The following DNAJB11 variants were observed in gnomAD, a reference collection of about 807,000 sequenced individuals.
The protein encoded by DNAJB11 is DnaJ heat shock protein family (Hsp40) member B11.
DNAJB11 carries 30 observed loss-of-function variants against 47.2 expected under a neutral mutation model. The observed-to-expected ratio is 0.64, with a 90% CI of 0.48 to 0.86. The LOEUF is 0.86. DNAJB11 is among the 40% of genes least tolerant of loss of function. The probability of loss-of-function intolerance (pLI) is 0.00; values close to 1 mark genes in which losing one functional copy is unlikely to be tolerated. For synonymous variants in DNAJB11, 151 were observed against 159.9 expected (o/e 0.94, Z 0.42); for missense variants, 357 against 440.2 (o/e 0.81, Z 1.69).
chr3:186,575,811 T>C (rs1469847280), intron 2 of DNAJB11, 29 bp from the exon 3 acceptor site: 2 of 1,563,504 alleles, frequency 1.3e-6, no homozygotes, highest in South Asian at 2.2e-5. Context: ...CAACTCATGA[T>C]CTTTTCCTCC....
chr3:186,582,817 A>C (rs551114910), intron 7 of DNAJB11, 44 bp downstream of exon 7: 2 of 1,409,832 alleles, frequency 1.4e-6, no homozygotes. Flanking sequence ...GAGTCAAATT[A>C]TAGAGACGTA....
chr3:186,584,173 C>T (rs1454238526), intron 8 of DNAJB11, among the ~76,000 whole-genome samples, 197 bp downstream of exon 8: 1 of 152,230 alleles, frequency 6.6e-6, no homozygotes, highest in Admixed American at 6.5e-5. Flanking sequence ...ATGGATTGCA[C>T]GGCCTTTGAC....
chr3:186,585,532 T>C lies in DNAJB11; in HGVS notation c.*124T>C. On this transcript the variant is annotated 3_prime_UTR_variant, in exon 10 of 10. Coordinates refer to ENST00000265028, the MANE Select transcript of DNAJB11 (RefSeq NM_016306.6). ...GCAAGTTAGGCTTAATTTTTTTATC[T>C]AATGATCATCATGAAATGAATAAGA... 1 of 583,582 alleles carries C rather than the reference T, an allele frequency of 1.7e-6. No homozygotes were observed. The highest frequency in any genetic ancestry group is 3.3e-5 in the East Asian group (1 of 30,592). 36.2% of individuals were successfully genotyped at this position (583,582 alleles called of 1,614,324 possible). A position where few individuals can be genotyped will look rare whatever the true frequency, so the allele number is the denominator to read the frequency against.
chr3:186,572,849 T>G (rs1302820176), intron 2 of DNAJB11, among the ~76,000 whole-genome samples: 2 of 152,236 alleles, frequency 1.3e-5, no homozygotes, highest in Non-Finnish European at 2.9e-5. Context: ...GTTTTTGTCA[T>G]ACAAATGCAA....
chr3:186,572,067 T>C (rs1401463030), intron 1 of DNAJB11, 28 bp from the exon 2 acceptor site: 13 of 1,525,464 alleles, frequency 8.5e-6, no homozygotes, highest in African/African-American at 4.2e-5. Context: ...AACTCTTTAA[T>C]GAAGTATTCT....
intron 1 of DNAJB11, 60 bp from the exon 2 acceptor site, chr3:186,572,035 T>G (rs768512470): frequency 1.8e-5 from 26 of 1,420,682 alleles, no homozygotes; most frequent in Middle Eastern, 3.8e-4. Flanking sequence ...ATAAATCTTT[T>G]ACTTTGAAAA....
In DNAJB11 at chr3:186,585,396, G is replaced by A. The variant is rs1370895877; in HGVS notation, c.1065G>A (p.Leu355=). 1.2e-6 allele frequency: 2 copies of A among 1,608,870 alleles called. No individual in the cohort carries two copies. Among genetic ancestry groups the A allele is most frequent in the Non-Finnish European group, 1.7e-6 (2 of 1,177,514 alleles). ...QGSVQKVYNG[L]QGY ...CAGTGCAGAAGGTATACAATGGACT[G>A]CAAGGATATTGAGAGTGAATAAAAT... The change falls in exon 10 of 10, where the codon CTG becomes CTA. Residue 355 remains leucine (L), a synonymous_variant. Transcript: ENST00000265028.
chr3:186,584,932 C>T (rs763628694), intron 9 of DNAJB11, among the ~76,000 whole-genome samples: 5 of 152,092 alleles, frequency 3.3e-5, no homozygotes, highest in Non-Finnish European at 5.9e-5. Context: ...CTTATGGGTG[C>T]ATGTCTAGGA....
At chr3:186,582,470 G>C (rs890257085) in intron 6 of DNAJB11, among the ~76,000 whole-genome samples, 20 of 152,152 alleles carry the variant, frequency 1.3e-4, no homozygotes, top group Admixed American at 1.3e-3. Flanking sequence ...TTAAGACTTA[G>C]GTTCAGGAGA....
chr3:186,573,040 CAT>C (rs1185536591), intron 2 of DNAJB11, among the ~76,000 whole-genome samples: 5 of 152,148 alleles, frequency 3.3e-5, no homozygotes, highest in Admixed American at 1.3e-4. Context: ...AAAACACTCT[CAT>C]GTGTATCATC....
intron 7 of DNAJB11, 56 bp from the exon 8 acceptor site, chr3:186,583,809 C>A (rs980569080): frequency 9.8e-6 from 13 of 1,326,760 alleles, no homozygotes; most frequent in African/African-American, 8.9e-5. Context: ...AATTTTCTAA[C>A]AACTGTTTGA....
In DNAJB11 at chr3:186,574,518, A is replaced by C. The variant is rs112659431; in HGVS notation, c.226-1322A>C. Among the ~76,000 whole-genome samples the C allele has an allele frequency of 2.3e-3, 355 of 151,722 alleles. 3 individuals are homozygous for C. Among genetic ancestry groups the C allele is most frequent in the African/African-American group, 8.0e-3 (332 of 41,304 alleles). On this transcript the variant is annotated intron_variant, in intron 2 of 9. Coordinates refer to ENST00000265028, the MANE Select transcript of DNAJB11 (RefSeq NM_016306.6). ...TAATTGTGCCCATTTCTGCTTCCCC[A>C]AAGTACCTATTTTCTAAAGATACTT... is the stretch of plus-strand genomic sequence containing the variant.
At position 186,581,309 on chromosome 3, in the gene DNAJB11, T is replaced by C. The variant is rs376407508; in HGVS notation, c.457-62T>C. 126 of 1,582,790 alleles carry C rather than the reference T, an allele frequency of 8.0e-5. 5 individuals carry two copies. The South Asian group carries it at 1.2e-3, about 15-fold the overall frequency. ...GGCATATGTGCAGAGCCTTGATCAA[T>C]TGAGGAAAGGAAAGGCTGTTTTACA... is the stretch of plus-strand genomic sequence containing the variant. On this transcript the variant is annotated intron_variant, in intron 4 of 9. Coordinates refer to ENST00000265028, the MANE Select transcript of DNAJB11 (RefSeq NM_016306.6).
intron 4 of DNAJB11, chr3:186,581,142 C>T: frequency 1.8e-5 from 8 of 450,948 alleles, no homozygotes. Context: ...CCCGTCTCTA[C>T]TTCTCCAGCT....
intron 8 of DNAJB11, 115 bp downstream of exon 8, chr3:186,584,091 A>G (rs1409846851): frequency 1.3e-6 from 1 of 773,496 alleles, no homozygotes; most frequent in Non-Finnish European, 2.2e-6. Context: ...TCTTGGTCGT[A>G]TTCTGCCGTC....
chr3:186,571,955 GTGTA>G (rs1404603714), intron 1 of DNAJB11, 136 bp from the exon 2 acceptor site: 3 of 576,502 alleles, frequency 5.2e-6, no homozygotes, highest in Non-Finnish European at 8.6e-6. Flanking sequence ...TTCTTTGTGT[GTGTA>G]TGTGTCACAT....
intron 1 of DNAJB11, 67 bp downstream of exon 1, chr3:186,571,032 T>TGGGGGGGGG: frequency 5.0e-6 from 1 of 202,008 alleles, no homozygotes; most frequent in Non-Finnish European, 1.0e-5. Context: ...TGGGAGGGGG[T>TGGGGGGGGG]GGGGGAAGTG....
chr3:186,577,958 C>A, intron 4 of DNAJB11, 158 bp downstream of exon 4: 1 of 497,996 alleles, frequency 2.0e-6, no homozygotes, highest in Non-Finnish European at 3.4e-6. Flanking sequence ...GTTCATGATA[C>A]ACTGATGTCA....
At chr3:186,584,367 A>C (rs1394906742) in intron 8 of DNAJB11, 63 bp from the exon 9 acceptor site, 30 of 1,463,396 alleles carry the variant, frequency 2.1e-5, no homozygotes, top group Non-Finnish European at 2.5e-5. Flanking sequence ...TGCTCACTAG[A>C]AGCTGTGTGA....
Sources: gnomAD v4.1 joint callset for allele counts (sites outside exome capture counted in the v4.1 genomes callset) on GRCh38, gnomAD v4.1.1 for gene constraint, MANE v1.5 for transcripts, NCBI Gene and HGNC (gene_info 2026-07-23, HGNC 2026-07-21) for gene names.